RNLS: variants seen among roughly 807,000 people sequenced by gnomAD.
RNLS encodes renalase, FAD dependent amine oxidase.
A neutral mutation model predicts 39.8 loss-of-function variants in RNLS; 39 were observed. The ratio of observed to expected loss-of-function variants is 0.98; its 90% CI spans 0.76 to 1.28. RNLS has a LOEUF of 1.28. Among genes scored for constraint, RNLS ranks in the 50% most tolerant of loss-of-function variants. The probability of loss-of-function intolerance (pLI) is 0.00; values close to 1 mark genes in which losing one functional copy is unlikely to be tolerated. For synonymous variants in RNLS, 147 were observed against 150.7 expected (o/e 0.98, Z 0.18); for missense variants, 410 against 413.3 (o/e 0.99, Z 0.07).
the RNLS span, among the ~76,000 whole-genome samples, chr10:88,211,931 T>C: frequency 6.6e-6 from 1 of 152,208 alleles, no homozygotes; most frequent in Admixed American, 6.6e-5. Context: ...TAAGAGATGA[T>C]GGTATGAACA....
chr10:88,394,479 C>CA (rs1852421359), intron 4 of RNLS, among the ~76,000 whole-genome samples: 1 of 152,182 alleles, frequency 6.6e-6, no homozygotes. Flanking sequence ...AAATGCAAAT[C>CA]AAAACCACAA....
the RNLS span, among the ~76,000 whole-genome samples, chr10:88,205,483 A>G: frequency 6.6e-6 from 1 of 152,114 alleles, no homozygotes; most frequent in Non-Finnish European, 1.5e-5. Flanking sequence ...TCCTTAGTTC[A>G]TATTTATTTA....
In RNLS at chr10:88,572,964, A is replaced by T. The variant is rs763001704; in HGVS notation, c.465T>A (p.Asp155Glu). 6 of 1,613,934 alleles carry T rather than the reference A, an allele frequency of 3.7e-6. No homozygotes were observed. In the East Asian group the frequency reaches 1.3e-4, roughly 36 times the overall value. Reference protein sequence around the residue: ...SKQTGSPEQFDLIVLTMPVPE... With the variant: ...SKQTGSPEQFELIVLTMPVPE... Reference sequence around the variant, plus strand: ...GAACTGGCATTGTGAGAACAATAAGATCAAACTGCTCAGGGGAGCCTGTTT... The same window carrying T: ...GAACTGGCATTGTGAGAACAATAAGTTCAAACTGCTCAGGGGAGCCTGTTT... Residue 155 changes from aspartate to glutamate, a missense_variant, in exon 4 of 7, where the codon GAT becomes GAA. Transcript: ENST00000331772.
intron 4 of RNLS, among the ~76,000 whole-genome samples, chr10:88,453,750 C>T (rs1202323094): frequency 6.6e-6 from 1 of 152,190 alleles, no homozygotes; most frequent in Non-Finnish European, 1.5e-5. Context: ...TGATGACATC[C>T]TTTCTTTCTA....
At chr10:88,217,920 A>G in the RNLS span, among the ~76,000 whole-genome samples, 2 of 152,128 alleles carry the variant, frequency 1.3e-5, no homozygotes, top group East Asian at 1.9e-4. Flanking sequence ...GGCACCTGTA[A>G]TCCCAGCTAC....
intron 4 of RNLS, among the ~76,000 whole-genome samples, chr10:88,565,820 G>A (rs1849463215): frequency 6.8e-6 from 1 of 146,508 alleles, no homozygotes; most frequent in Non-Finnish European, 1.5e-5. Flanking sequence ...CGTGATCTTG[G>A]CTCACTGCAA....
intron 4 of RNLS, among the ~76,000 whole-genome samples, chr10:88,478,748 C>A (rs1843967572): frequency 6.6e-6 from 1 of 152,186 alleles, no homozygotes; most frequent in Non-Finnish European, 1.5e-5. Context: ...ACAAACCCAT[C>A]ACTTTAAGGA....
At chr10:88,337,507 A>G (rs1444243198) in intron 5 of RNLS, among the ~76,000 whole-genome samples, 1 of 152,240 alleles carries the variant, frequency 6.6e-6, no homozygotes, top group Non-Finnish European at 1.5e-5. Context: ...AATCAGGTCA[A>G]TAAGACTCAA....
chr10:88,255,003 C>T, the RNLS span, among the ~76,000 whole-genome samples: 40 of 152,206 alleles, frequency 2.6e-4, no homozygotes, highest in Admixed American at 2.3e-3. Context: ...GCTTAACCCC[C>T]GTCAAGTGAC....
chr10:88,482,487 ATTTAATTC>A (rs1329040713), intron 4 of RNLS, among the ~76,000 whole-genome samples: 6 of 152,058 alleles, frequency 3.9e-5, no homozygotes, highest in African/African-American at 1.4e-4. Flanking sequence ...CAGAGTTTCC[ATTTAATTC>A]TTTTTTCTTT....
chr10:88,353,570 C>CA (rs1216400757), intron 5 of RNLS, among the ~76,000 whole-genome samples: 1 of 152,102 alleles, frequency 6.6e-6, no homozygotes, highest in Non-Finnish European at 1.5e-5. Context: ...ACTGTCGTCT[C>CA]AGAGACAGTT....
At chr10:88,246,545 T>C in the RNLS span, among the ~76,000 whole-genome samples, 1 of 131,862 alleles carries the variant, frequency 7.6e-6, no homozygotes, top group Non-Finnish European at 1.8e-5. Flanking sequence ...ACTGAGAGTT[T>C]TGTTGTTTTT....
chr10:88,282,993 T>G (rs1271815259), downstream of RNLS, among the ~76,000 whole-genome samples: 1 of 152,176 alleles, frequency 6.6e-6, no homozygotes, highest in African/African-American at 2.4e-5. Flanking sequence ...TAAAAGTTCT[T>G]GTTTGGAAAT....
At chr10:88,443,161 A>G (rs889256621) in intron 4 of RNLS, among the ~76,000 whole-genome samples, 1 of 152,164 alleles carries the variant, frequency 6.6e-6, no homozygotes, top group African/African-American at 2.4e-5. Flanking sequence ...AAATTTTACA[A>G]TTTTATGACT....
chr10:88,303,618 G>A (rs560651982), intron 6 of RNLS, among the ~76,000 whole-genome samples: 15 of 151,950 alleles, frequency 9.9e-5, no homozygotes, highest in African/African-American at 3.1e-4. Context: ...TTGCTTTGCC[G>A]GTGCATGTCT....
At chr10:88,460,888 G>A (rs866597060) in intron 4 of RNLS, among the ~76,000 whole-genome samples, 14 of 152,216 alleles carry the variant, frequency 9.2e-5, no homozygotes, top group Middle Eastern at 3.4e-3. Flanking sequence ...CTGCTCTGTA[G>A]CAAAAGGACT....
At chr10:88,235,798 T>G in the RNLS span, among the ~76,000 whole-genome samples, 3 of 151,792 alleles carry the variant, frequency 2.0e-5, no homozygotes, top group Non-Finnish European at 2.9e-5. Flanking sequence ...CAGAGAGAGA[T>G]AGAGAGGTTT....
At chr10:88,509,205 T>G (rs1026484914) in intron 4 of RNLS, among the ~76,000 whole-genome samples, 8 of 152,108 alleles carry the variant, frequency 5.3e-5, no homozygotes, top group African/African-American at 1.7e-4. Flanking sequence ...TAAAAAACTG[T>G]ATGATTATGA....
At chr10:88,339,647 T>C (rs1847787558) in intron 5 of RNLS, among the ~76,000 whole-genome samples, 2 of 152,250 alleles carry the variant, frequency 1.3e-5, no homozygotes, top group Non-Finnish European at 2.9e-5. Context: ...AGGGACAAGC[T>C]GAATTAAGAT....
Sources: allele counts gnomAD v4.1 joint callset (sites outside exome capture counted in the v4.1 genomes callset), GRCh38; gene constraint gnomAD v4.1.1; transcripts MANE v1.5; gene names NCBI Gene and HGNC (gene_info 2026-07-23, HGNC 2026-07-21).